The following NHEJ1 variants were observed in gnomAD, a reference collection of about 807,000 sequenced individuals.
The protein encoded by NHEJ1 is non-homologous end joining factor 1, also known as non-homologous end-joining factor 1.
A neutral mutation model predicts 39.4 loss-of-function variants in NHEJ1; 22 were observed. The observed-to-expected ratio is 0.56, with a 90% CI of 0.40 to 0.80. The LOEUF is 0.80. Among genes scored for constraint, NHEJ1 ranks in the 30% least tolerant of loss-of-function variants. The pLI is 0.00. For missense variants in NHEJ1, 329 were observed against 357.1 expected, an observed-to-expected ratio of 0.92 and a Z score of 0.63; for synonymous variants, 154 against 135.6, an observed-to-expected ratio of 1.14 and a Z score of -0.94.
chr2:219,139,190 C>CAAA (rs1949666876), intron 5 of NHEJ1, among the ~76,000 whole-genome samples: 1 of 152,028 alleles, frequency 6.6e-6, no homozygotes, highest in African/African-American at 2.4e-5. Flanking sequence ...CGGGTTCAAG[C>CAAA]AATTCTCCCA....
chr2:219,154,951 A>C (rs1165680255), intron 3 of NHEJ1, among the ~76,000 whole-genome samples: 1 of 146,866 alleles, frequency 6.8e-6, no homozygotes, highest in Non-Finnish European at 1.5e-5. Flanking sequence ...ATATATGTTA[A>C]TATATTATAT....
intron 5 of NHEJ1, among the ~76,000 whole-genome samples, chr2:219,135,021 A>G (rs936925588): frequency 7.2e-6 from 1 of 138,934 alleles, no homozygotes; most frequent in African/African-American, 2.6e-5. Context: ...GCCGGGCAAC[A>G]AAAGTGAAAC....
chr2:219,078,935 A>G (rs1269804117), intron 5 of NHEJ1, among the ~76,000 whole-genome samples: 4 of 152,200 alleles, frequency 2.6e-5, no homozygotes, highest in African/African-American at 4.8e-5. Context: ...AAATTTCCTG[A>G]TAGGGAGTGA....
chr2:219,124,570 G>C (rs1949499021), intron 5 of NHEJ1: 1 of 152,008 alleles, frequency 6.6e-6, no homozygotes, highest in Admixed American at 6.6e-5. Flanking sequence ...CCTCACACAT[G>C]GTCCTCACAG....
In NHEJ1 at chr2:219,147,738, C is replaced by T. The variant is rs758387082; in HGVS notation, c.448G>A (p.Val150Met). Reference protein sequence around the residue: ...MGMSLALQCQVRELATLLHMK... With the variant: ...MGMSLALQCQMRELATLLHMK... ...TGAAGTAACGTTGCTAGCTCCCTCA[C>T]TTGGCACTGTAATGCCAGACTCATG... is the stretch of plus-strand genomic sequence containing the variant. The change falls in exon 4 of 8, where the codon GTG becomes ATG. Residue 150 changes from valine (V) to methionine (M), a missense_variant. Val to Met is a conservative substitution (Grantham distance 21). Coordinates refer to ENST00000356853, the MANE Select transcript of NHEJ1 (RefSeq NM_024782.3). The T allele has an allele frequency of 3.1e-6, 5 of 1,614,190 alleles. No individual in the cohort carries two copies. The highest frequency in any genetic ancestry group is 1.3e-5 in the African/African-American group (1 of 75,052).
chr2:219,091,619 A>T (rs1268151304), intron 5 of NHEJ1, among the ~76,000 whole-genome samples: 2 of 152,148 alleles, frequency 1.3e-5, no homozygotes, highest in Non-Finnish European at 2.9e-5. Context: ...CTTCGTCCTA[A>T]AGGCTACTTC....
chr2:219,100,904 A>G (rs932441254), intron 5 of NHEJ1, among the ~76,000 whole-genome samples: 4 of 152,204 alleles, frequency 2.6e-5, no homozygotes, highest in Admixed American at 6.5e-5. Context: ...TAATCAATGT[A>G]AACACTATAG....
At position 219,154,146 on chromosome 2, in the gene NHEJ1, T is replaced by C. The variant is rs187965988; in HGVS notation, c.390+3326A>G. ...GGCAGGTCCTCTGAATGTGTTGATATGAATAATCTCTAAGTTCTTTTTTTT... is the reference window on the plus strand; with the variant it reads ...GGCAGGTCCTCTGAATGTGTTGATACGAATAATCTCTAAGTTCTTTTTTTT... On this transcript the variant is annotated intron_variant, in intron 3 of 7. Coordinates refer to ENST00000356853, the MANE Select transcript of NHEJ1 (RefSeq NM_024782.3). 1.2e-3 allele frequency among the ~76,000 whole-genome samples: 184 copies of C among 152,324 alleles called. 1 individual carries two copies. Among genetic ancestry groups the C allele is most frequent in the Non-Finnish European group, 4.4e-4 (30 of 68,032 alleles).
intron 1 of NHEJ1, chr2:219,160,364 C>T (rs1411089985): frequency 6.6e-6 from 1 of 152,466 alleles, no homozygotes; most frequent in Non-Finnish European, 1.5e-5. Context: ...CGCCAGGCGT[C>T]CCGCTTCCAC....
intron 3 of NHEJ1, among the ~76,000 whole-genome samples, chr2:219,154,851 T>C (rs1949834792): frequency 6.8e-6 from 1 of 147,594 alleles, no homozygotes; most frequent in South Asian, 2.1e-4. Flanking sequence ...CATACTTTTA[T>C]ATTATATTGT....
At chr2:219,108,440 T>C (rs1949333276) in intron 5 of NHEJ1, among the ~76,000 whole-genome samples, 1 of 152,232 alleles carries the variant, frequency 6.6e-6, no homozygotes, top group Admixed American at 6.5e-5. Context: ...AGCAAGCATC[T>C]AAGCACCCTT....
rs534925673 is a variant in NHEJ1 at position 219,148,472 on chromosome 2, T to A, written c.391-677A>T. 2.0e-5 allele frequency among the ~76,000 whole-genome samples: 3 copies of A among 152,238 alleles called. No individual in the cohort carries two copies. The South Asian group carries it at 6.2e-4, about 32-fold the overall frequency. On this transcript the variant is annotated intron_variant, in intron 3 of 7. Transcript: ENST00000356853. ...TACTCGGGAGGCTGAGGTGGAAGGA[T>A]CACTTGAGCCAAGGAGGTCAAGGCT... is the stretch of plus-strand genomic sequence containing the variant.
Position 219,072,022 on chromosome 2 carries a change from T to C in NHEJ1, c.*4359A>G, listed in dbSNP as rs570350258. 3.3e-5 allele frequency among the ~76,000 whole-genome samples: 5 copies of C among 152,118 alleles called. No homozygotes were observed. The highest frequency in any genetic ancestry group is 9.7e-5 in the African/African-American group (4 of 41,414). On this transcript the variant is annotated 3_prime_UTR_variant, in exon 8 of 8. Coordinates refer to ENST00000356853, the MANE Select transcript of NHEJ1 (RefSeq NM_024782.3). ...ACATAAAAGGCCACCACAAAAAAAG[T>C]CTCAGAAGATGGGATGAAAGATCAA...
intron 5 of NHEJ1, among the ~76,000 whole-genome samples, chr2:219,132,239 T>C (rs975424152): frequency 2.0e-5 from 3 of 152,240 alleles, no homozygotes; most frequent in Admixed American, 6.5e-5. Context: ...ACTCAGTAGA[T>C]AGCTAATCTT....
At chr2:219,103,173 GA>G (rs201837950) in intron 5 of NHEJ1, among the ~76,000 whole-genome samples, 21,001 of 134,320 alleles carry the variant, frequency 0.16, 1,820 homozygotes, top group African/African-American at 0.28. Flanking sequence ...GCAAAAACGG[GA>G]AAAAAAAAAA....
At chr2:219,108,583 C>A (rs1310743361) in intron 5 of NHEJ1, among the ~76,000 whole-genome samples, 11 of 152,198 alleles carry the variant, frequency 7.2e-5, no homozygotes, top group Non-Finnish European at 1.5e-5. Context: ...TCTAAAAATT[C>A]TTTTCTAGCA....
At chr2:219,082,087 G>C (rs1247438952) in intron 5 of NHEJ1, among the ~76,000 whole-genome samples, 1 of 152,218 alleles carries the variant, frequency 6.6e-6, no homozygotes, top group Non-Finnish European at 1.5e-5. Flanking sequence ...GAGGAATCCA[G>C]AGCTGCTTCC....
intron 3 of NHEJ1, among the ~76,000 whole-genome samples, chr2:219,154,840 A>G (rs1004378583): frequency 4.7e-5 from 7 of 148,434 alleles, no homozygotes; most frequent in African/African-American, 1.5e-4. Flanking sequence ...GTTTTTCTTT[A>G]CATACTTTTA....
intron 5 of NHEJ1, among the ~76,000 whole-genome samples, chr2:219,095,617 G>A (rs1295819335): frequency 1.3e-5 from 2 of 152,144 alleles, no homozygotes; most frequent in African/African-American, 2.4e-5. Context: ...CACAGCCAAT[G>A]GGGAGAGCAC....
Sources: allele counts gnomAD v4.1 joint callset (sites outside exome capture counted in the v4.1 genomes callset), GRCh38; gene constraint gnomAD v4.1.1; transcripts MANE v1.5; gene names NCBI Gene and HGNC (gene_info 2026-07-23, HGNC 2026-07-21).